The following IGF1R variants were observed in gnomAD, a reference collection of about 807,000 sequenced individuals.
The protein encoded by IGF1R is insulin-like growth factor 1 receptor.
A neutral mutation model predicts 144.6 loss-of-function variants in IGF1R; 44 were observed. That is an observed-to-expected ratio of 0.30 (90% CI 0.24 to 0.39). IGF1R has a LOEUF of 0.39. IGF1R is among the 10% of genes least tolerant of loss of function. The pLI is 1.00. For synonymous variants in IGF1R, 795 were observed against 722.8 expected, an observed-to-expected ratio of 1.10 and a Z score of -1.60; for missense variants, 1,355 against 1,833.7, an observed-to-expected ratio of 0.74 and a Z score of 4.77.
chr15:98,909,261 C>CTTTTT (rs752298130), intron 6 of IGF1R, among the ~76,000 whole-genome samples: 7 of 91,740 alleles, frequency 7.6e-5, no homozygotes, highest in African/African-American at 3.0e-4. Context: ...CTTTTTTTTT[C>CTTTTT]TTTTTTTTTT....
At chr15:98,687,316 C>T (rs763088399) in intron 1 of IGF1R, among the ~76,000 whole-genome samples, 2 of 152,162 alleles carry the variant, frequency 1.3e-5, no homozygotes, top group Non-Finnish European at 1.5e-5. Flanking sequence ...TGCACCCAGG[C>T]GAGTGTTAAA....
At position 98,961,922 on chromosome 15, in the gene IGF1R, G is replaced by A; in HGVS notation, c.*4480G>A. ...GTACGAAAAGTGGCTTCGTAAAATA[G>A]AAGAGCAGTCACTGTGGAACTACCA... On this transcript the variant is annotated 3_prime_UTR_variant, in exon 21 of 21. Coordinates refer to ENST00000650285, the MANE Select transcript of IGF1R (RefSeq NM_000875.5). 4.3e-6 allele frequency: 1 copy of A among 233,322 alleles called. No homozygotes were observed. The highest frequency in any genetic ancestry group is 8.5e-6 in the Non-Finnish European group (1 of 118,060). The allele number at this position is 233,322 out of a possible 1,614,324, so 14.5% of individuals were successfully genotyped here. A position where few individuals can be genotyped will look rare whatever the true frequency, so the allele number is the denominator to read the frequency against.
intron 2 of IGF1R, among the ~76,000 whole-genome samples, chr15:98,822,155 GC>G (rs1224760359): frequency 6.6e-6 from 1 of 152,120 alleles, no homozygotes; most frequent in African/African-American, 2.4e-5. Flanking sequence ...GAGCATTAGA[GC>G]CACCCTCAAA....
chr15:98,793,988 G>A (rs577292520), intron 2 of IGF1R, among the ~76,000 whole-genome samples: 1 of 152,178 alleles, frequency 6.6e-6, no homozygotes, highest in South Asian at 2.1e-4. Context: ...GAAGCAGGGG[G>A]CACAGTGGCG....
chr15:98,897,144 C>T lies in IGF1R; in HGVS notation c.1102+239C>T, dbSNP rs960177035. On this transcript the variant is annotated intron_variant, in intron 4 of 20. Transcript: ENST00000650285. ...TTTATTCCTGTAAAGAGGGTCATCGCTCATCTTTTTGTTAGTCACATCTTG... is the reference window on the plus strand; with the variant it reads ...TTTATTCCTGTAAAGAGGGTCATCGTTCATCTTTTTGTTAGTCACATCTTG... 9.4e-6 allele frequency: 5 copies of T among 533,420 alleles called. No homozygotes were observed. The African/African-American group carries it at 9.5e-5, about 10-fold the overall frequency. The allele number at this position is 533,420 out of a possible 1,614,324, so 33.0% of individuals were successfully genotyped here.
intron 5 of IGF1R, among the ~76,000 whole-genome samples, chr15:98,907,436 G>A (rs980155536): frequency 7.2e-5 from 11 of 152,212 alleles, no homozygotes; most frequent in African/African-American, 2.7e-4. Context: ...GGAGGGCTGG[G>A]GTTCTTTCTC....
intron 20 of IGF1R, among the ~76,000 whole-genome samples, chr15:98,953,618 ACTT>A: frequency 6.6e-6 from 1 of 152,210 alleles, no homozygotes; most frequent in East Asian, 1.9e-4. Flanking sequence ...GCCGTGGAAG[ACTT>A]GGGCCAGGAA....
At chr15:98,913,401 A>G (rs1277348387) in intron 8 of IGF1R, 119 bp downstream of exon 8, 4 of 823,696 alleles carry the variant, frequency 4.9e-6, no homozygotes, top group Non-Finnish European at 8.6e-6. Context: ...TTTCTTGTCA[A>G]TAGGTAATAC....
intron 2 of IGF1R, among the ~76,000 whole-genome samples, chr15:98,770,390 G>A (rs1422977651): frequency 1.3e-5 from 2 of 152,192 alleles, no homozygotes; most frequent in Non-Finnish European, 2.9e-5. Flanking sequence ...CAGTTAGATA[G>A]AGGGAATACA....
At chr15:98,847,063 A>G (rs914534589) in intron 2 of IGF1R, among the ~76,000 whole-genome samples, 10 of 151,954 alleles carry the variant, frequency 6.6e-5, no homozygotes, top group African/African-American at 2.2e-4. Flanking sequence ...TGCAACCTCT[A>G]CCTCCTGGGT....
chr15:98,942,614 C>T (rs777524136), intron 18 of IGF1R, among the ~76,000 whole-genome samples: 17 of 152,222 alleles, frequency 1.1e-4, no homozygotes, highest in Non-Finnish European at 2.2e-4. Context: ...GCTGGGATTA[C>T]AGGCGTTGAG....
chr15:98,676,250 G>A lies in IGF1R; in HGVS notation c.94+26575G>A, dbSNP rs1407318574. ...CCACCTCCCGGGTTCAAGCAATTCT[G>A]CCTCAACCTCTCGAGTAGCTGGGAC... On this transcript the variant is annotated intron_variant, in intron 1 of 20. Coordinates refer to ENST00000650285, the MANE Select transcript of IGF1R (RefSeq NM_000875.5). Among the ~76,000 whole-genome samples, 4 of 152,160 alleles carry A rather than the reference G, an allele frequency of 2.6e-5. No homozygotes were observed. In the South Asian group the frequency reaches 8.3e-4, roughly 32 times the overall value.
intron 12 of IGF1R, 90 bp downstream of exon 12, chr15:98,924,102 C>T (rs2015607129): frequency 7.9e-7 from 1 of 1,271,230 alleles, no homozygotes; most frequent in Non-Finnish European, 1.2e-6. Flanking sequence ...TCCTGGTTAG[C>T]ATAGGACTTA....
intron 2 of IGF1R, among the ~76,000 whole-genome samples, chr15:98,802,077 T>G (rs907409442): frequency 1.3e-5 from 2 of 152,128 alleles, no homozygotes; most frequent in African/African-American, 4.8e-5. Flanking sequence ...CTTTTCAACC[T>G]TGAGTGCCAC....
Position 98,891,724 on chromosome 15 carries a change from A to T in IGF1R, c.953+87A>T. The stretch of plus-strand genomic sequence containing the variant: ...AAAGGTAGACTCTGTCGGTTGTTTC[A>T]TCCGGGTGCAGCCCTCAGGAAGTTC... On this transcript the variant is annotated intron_variant, in intron 3 of 20. Coordinates refer to ENST00000650285, the MANE Select transcript of IGF1R (RefSeq NM_000875.5). This position sits in a 1 kb window ranked among gnomAD's most constrained non-coding sequence, Gnocchi z 4.7. The T allele has an allele frequency of 7.4e-7, 1 of 1,344,298 alleles. No homozygotes were observed. The highest frequency in any genetic ancestry group is 1.4e-5 in the African/African-American group (1 of 69,876). The allele number at this position is 1,344,298 out of a possible 1,614,324, so 83.3% of individuals were successfully genotyped here.
chr15:98,800,856 G>A (rs1445956446), intron 2 of IGF1R, among the ~76,000 whole-genome samples: 1 of 152,196 alleles, frequency 6.6e-6, no homozygotes, highest in African/African-American at 2.4e-5. Context: ...TTGTGTTACA[G>A]CAGCAGTTGG....
At chr15:98,674,507 T>C (rs1168654465) in intron 1 of IGF1R, among the ~76,000 whole-genome samples, 1 of 152,196 alleles carries the variant, frequency 6.6e-6, no homozygotes, top group East Asian at 1.9e-4. Context: ...TTATCATTGA[T>C]TCAGCAATCA....
intron 2 of IGF1R, among the ~76,000 whole-genome samples, chr15:98,744,688 T>C (rs1361865901): frequency 6.6e-6 from 1 of 151,512 alleles, no homozygotes; most frequent in African/African-American, 2.4e-5. Context: ...AAAGCACAGA[T>C]GGAGGGATTA....
intron 2 of IGF1R, among the ~76,000 whole-genome samples, chr15:98,815,606 A>G (rs1462136394): frequency 6.6e-6 from 1 of 152,138 alleles, no homozygotes; most frequent in Non-Finnish European, 1.5e-5. Flanking sequence ...GGGAGGGAGG[A>G]AAGAGACTGG....
Sources: gnomAD v4.1 joint callset for allele counts (sites outside exome capture counted in the v4.1 genomes callset) on GRCh38, gnomAD v4.1.1 for gene constraint, Gnocchi (gnomAD v3.1) non-coding constraint, MANE v1.5 for transcripts, NCBI Gene and HGNC (gene_info 2026-07-23, HGNC 2026-07-21) for gene names.